Variants in NRXN1 observed in about 807,000 individuals in gnomAD.
The protein encoded by NRXN1 is neurexin 1, also known as neurexin-1.
NRXN1 carries 39 observed loss-of-function variants against 150.9 expected under a neutral mutation model. The ratio of observed to expected loss-of-function variants is 0.26; its 90% CI spans 0.20 to 0.34. NRXN1 has a LOEUF of 0.34. Among genes scored for constraint, NRXN1 ranks in the 10% least tolerant of loss-of-function variants. The probability of loss-of-function intolerance (pLI) is 1.00; values close to 1 mark genes in which losing one functional copy is unlikely to be tolerated. For missense variants in NRXN1, 1,815 were observed against 1,949.9 expected, an observed-to-expected ratio of 0.93 and a Z score of 1.30; for synonymous variants, 924 against 757.0, an observed-to-expected ratio of 1.22 and a Z score of -3.62.
intron 17 of NRXN1, among the ~76,000 whole-genome samples, chr2:50,416,757 C>G (rs548419769): frequency 3.4e-4 from 52 of 151,592 alleles, no homozygotes; most frequent in African/African-American, 1.1e-3. Flanking sequence ...ACCATCAGAT[C>G]GTGTGAGAAC....
chr2:50,859,032 A>G (rs1299451742), intron 5 of NRXN1, among the ~76,000 whole-genome samples: 1 of 152,122 alleles, frequency 6.6e-6, no homozygotes, highest in African/African-American at 2.4e-5. Flanking sequence ...AGCAAATGGC[A>G]TTATTCTTTC....
intron 5 of NRXN1, among the ~76,000 whole-genome samples, chr2:50,703,029 A>G (rs1323979905): frequency 6.6e-6 from 1 of 152,136 alleles, no homozygotes; most frequent in African/African-American, 2.4e-5. Flanking sequence ...AGACAAACAA[A>G]CACAAAAACT....
At chr2:50,508,484 C>T (rs1308720022) in intron 12 of NRXN1, among the ~76,000 whole-genome samples, 1 of 151,580 alleles carries the variant, frequency 6.6e-6, no homozygotes, top group East Asian at 1.9e-4. Flanking sequence ...AGCATCTTAG[C>T]ATCCTGCTGG....
intron 17 of NRXN1, among the ~76,000 whole-genome samples, chr2:50,356,624 T>G (rs760538505): frequency 1.3e-5 from 2 of 152,198 alleles, no homozygotes; most frequent in South Asian, 4.1e-4. Context: ...GAATTGTTCC[T>G]GGTTGCGTTC....
Position 50,244,789 on chromosome 2 carries a change from T to C in NRXN1, c.3365-7819A>G, listed in dbSNP as rs115763484. The stretch of plus-strand genomic sequence containing the variant: ...TTTCTAACCATAAAGAAATGACAAA[T>C]GTATGAATATTTGTCAAATATTTGA... On this transcript the variant is annotated intron_variant, in intron 17 of 22. Coordinates refer to ENST00000401669, the MANE Select transcript of NRXN1 (RefSeq NM_001330078.2). Among the ~76,000 whole-genome samples the C allele has an allele frequency of 7.6e-3, 1,150 of 151,938 alleles. 16 individuals carry two copies. The highest frequency in any genetic ancestry group is 0.026 in the African/African-American group (1,077 of 41,516).
rs987086972 is a variant in NRXN1 at position 50,352,779 on chromosome 2, TATA to T, written c.3364+112660_3364+112662del. Among the ~76,000 whole-genome samples, 408 of 94,324 alleles carry T rather than the reference TATA, an allele frequency of 4.3e-3. 3 individuals carry two copies. Among genetic ancestry groups the T allele is most frequent in the East Asian group, 0.042 (114 of 2,726 alleles). 61.9% of individuals were successfully genotyped at this position (94,324 alleles called of 152,430 possible). On this transcript the variant is annotated intron_variant, in intron 17 of 22. Coordinates refer to ENST00000401669, the MANE Select transcript of NRXN1 (RefSeq NM_001330078.2). ...ATAATAATAATAATAATAATAATAT[TATA>T]ATAATAATAATAATAATAATAATAA...
intron 8 of NRXN1, among the ~76,000 whole-genome samples, chr2:50,592,787 T>C (rs1411451719): frequency 1.3e-5 from 2 of 152,264 alleles, no homozygotes; most frequent in Non-Finnish European, 1.5e-5. Flanking sequence ...CCCTTGTGTA[T>C]AGTTTGAGTA....
chr2:50,321,170 A>T (rs1457535735), intron 17 of NRXN1, among the ~76,000 whole-genome samples: 1 of 152,160 alleles, frequency 6.6e-6, no homozygotes, highest in Non-Finnish European at 1.5e-5. Flanking sequence ...AACCACATAT[A>T]ATTCAGAGAG....
chr2:50,143,508 G>A (rs1200181809), intron 18 of NRXN1, among the ~76,000 whole-genome samples: 1 of 151,846 alleles, frequency 6.6e-6, no homozygotes, highest in Non-Finnish European at 1.5e-5. Flanking sequence ...ATTAAACAAG[G>A]GAAACGATAT....
intron 5 of NRXN1, among the ~76,000 whole-genome samples, chr2:50,665,268 G>A (rs1297146023): frequency 6.6e-6 from 1 of 151,768 alleles, no homozygotes; most frequent in Non-Finnish European, 1.5e-5. Flanking sequence ...TCTAAGAAGG[G>A]TGCCCTCTCA....
chr2:50,005,012 A>G (rs1323857616), intron 21 of NRXN1, among the ~76,000 whole-genome samples: 3 of 152,160 alleles, frequency 2.0e-5, no homozygotes, highest in Non-Finnish European at 4.4e-5. Context: ...ACAGTGGGAC[A>G]GCCTGTTGCC....
intron 5 of NRXN1, among the ~76,000 whole-genome samples, chr2:50,904,189 T>C (rs1336575247): frequency 6.6e-6 from 1 of 152,102 alleles, no homozygotes; most frequent in Non-Finnish European, 1.5e-5. Context: ...GTTTGTTCCA[T>C]AACAGCAATT....
intron 5 of NRXN1, among the ~76,000 whole-genome samples, chr2:50,694,496 C>CT (rs1285684120): frequency 6.6e-6 from 1 of 152,148 alleles, no homozygotes. Flanking sequence ...CCATAACCTT[C>CT]TATATTTGTT....
At chr2:49,999,778 C>A (rs1314343060) in intron 21 of NRXN1, among the ~76,000 whole-genome samples, 1 of 152,104 alleles carries the variant, frequency 6.6e-6, no homozygotes, top group Non-Finnish European at 1.5e-5. Context: ...CATATATCAT[C>A]TTCATATTCT....
At chr2:49,929,937 G>C (rs1308469309) in intron 22 of NRXN1, among the ~76,000 whole-genome samples, 1 of 152,160 alleles carries the variant, frequency 6.6e-6, no homozygotes, top group Non-Finnish European at 1.5e-5. Flanking sequence ...GCATGATGAA[G>C]GAAAACTGTA....
Position 50,821,754 on chromosome 2 carries a change from G to A in NRXN1, c.832+100115C>T, listed in dbSNP as rs530213808. Among the ~76,000 whole-genome samples the A allele has an allele frequency of 3.0e-4, 46 of 152,182 alleles. 1 individual carries two copies. The highest frequency in any genetic ancestry group is 1.1e-3 in the African/African-American group (46 of 41,548). ...TTGCACACGTGAAAAAAGAATTTAA[G>A]AAGGCTGGAGTAAAATAAGCAAATT... is the stretch of plus-strand genomic sequence containing the variant. On this transcript the variant is annotated intron_variant, in intron 5 of 22. Transcript: ENST00000401669.
At chr2:50,039,796 T>A (rs568731677) in intron 21 of NRXN1, among the ~76,000 whole-genome samples, 78 of 152,230 alleles carry the variant, frequency 5.1e-4, no homozygotes, top group African/African-American at 1.8e-3. Flanking sequence ...GTATGTTGAG[T>A]AGCTCATGGA....
intron 18 of NRXN1, among the ~76,000 whole-genome samples, chr2:50,216,520 T>C (rs1915219): frequency 0.1 from 15,324 of 152,024 alleles, 1,128 homozygotes; most frequent in East Asian, 0.37. Flanking sequence ...TAATTTTCAT[T>C]ACACCAAATG....
chr2:50,590,107 G>T (rs1480474713), intron 8 of NRXN1, among the ~76,000 whole-genome samples: 1 of 152,166 alleles, frequency 6.6e-6, no homozygotes, highest in Non-Finnish European at 1.5e-5. Context: ...AAGACAATAT[G>T]TAAGTTTTAA....
Sources: allele counts gnomAD v4.1 joint callset (sites outside exome capture counted in the v4.1 genomes callset), GRCh38; gene constraint gnomAD v4.1.1; transcripts MANE v1.5; gene names NCBI Gene and HGNC (gene_info 2026-07-23, HGNC 2026-07-21).